PRIM2: variants seen among roughly 807,000 people sequenced by gnomAD.
PRIM2 encodes DNA primase large subunit.
PRIM2 carries 39 observed loss-of-function variants against 67.3 expected under a neutral mutation model. That is an observed-to-expected ratio of 0.58 (90% CI 0.45 to 0.76). PRIM2 has a LOEUF of 0.76. Ranked by LOEUF, PRIM2 falls within the 30% of genes least tolerant of loss-of-function variation. The pLI is 0.00. For missense variants in PRIM2, 398 were observed against 598.7 expected (o/e 0.66, Z 3.50); for synonymous variants, 143 against 198.7 (o/e 0.72, Z 2.36).
chr6:57,242,497 A>C, the PRIM2 span, among the ~76,000 whole-genome samples: 1 of 152,234 alleles, frequency 6.6e-6, no homozygotes, highest in Admixed American at 6.5e-5. Context: ...AAATGGAAAT[A>C]AAATAACTTA....
At chr6:57,273,402 C>A in the PRIM2 span, among the ~76,000 whole-genome samples, 3 of 152,224 alleles carry the variant, frequency 2.0e-5, no homozygotes, top group African/African-American at 4.8e-5. Context: ...GATAGCCTAT[C>A]TTCCAGTTGA....
chr6:57,536,164 A>G (rs1774998910), intron 9 of PRIM2, among the ~76,000 whole-genome samples: 1 of 152,182 alleles, frequency 6.6e-6, no homozygotes, highest in Non-Finnish European at 1.5e-5. Flanking sequence ...TGGTCACTAG[A>G]GGGAGCAGCA....
At chr6:57,643,666 G>T (rs1243319223) in intron 13 of PRIM2, among the ~76,000 whole-genome samples, 1 of 152,174 alleles carries the variant, frequency 6.6e-6, no homozygotes, top group Non-Finnish European at 1.5e-5. Context: ...TGAATTGGGT[G>T]AAAATTGAAT....
At chr6:57,294,419 T>TGCA in the PRIM2 span, among the ~76,000 whole-genome samples, 1 of 152,092 alleles carries the variant, frequency 6.6e-6, no homozygotes, top group African/African-American at 2.4e-5. Flanking sequence ...AGGTGGAGGT[T>TGCA]GCAGTGAGCC....
At chr6:57,312,887 A>G (rs1440715906), upstream of PRIM2, among the ~76,000 whole-genome samples, 6 of 152,184 alleles carry the variant, frequency 3.9e-5, no homozygotes, top group Admixed American at 1.3e-4. Context: ...GAGGTAGGGA[A>G]TACATTTTTC....
chr6:57,482,545 G>A (rs1330737424), intron 7 of PRIM2, among the ~76,000 whole-genome samples: 2 of 152,130 alleles, frequency 1.3e-5, no homozygotes, highest in East Asian at 3.9e-4. Flanking sequence ...AAATCTTAAG[G>A]TATTAAGGTG....
intron 13 of PRIM2, among the ~76,000 whole-genome samples, chr6:57,644,416 GA>G (rs1175578329): frequency 6.6e-6 from 1 of 152,098 alleles, no homozygotes; most frequent in Non-Finnish European, 1.5e-5. Context: ...CTCTACTGTG[GA>G]GTGTAATAGG....
intron 7 of PRIM2, among the ~76,000 whole-genome samples, chr6:57,479,890 AC>A (rs1187878465): frequency 3.3e-5 from 5 of 152,242 alleles, no homozygotes; most frequent in African/African-American, 1.2e-4. Context: ...AAAGCAACTA[AC>A]TATGGTATCA....
chr6:57,391,727 T>G (rs1453240770), intron 7 of PRIM2, among the ~76,000 whole-genome samples: 2 of 152,136 alleles, frequency 1.3e-5, no homozygotes, highest in African/African-American at 4.8e-5. Context: ...TCTATGTGCT[T>G]GTTTTTGTAC....
chr6:57,246,279 C>T, the PRIM2 span, among the ~76,000 whole-genome samples: 2 of 152,154 alleles, frequency 1.3e-5, no homozygotes, highest in Non-Finnish European at 2.9e-5. Flanking sequence ...TCCTGTATAA[C>T]TACTTACATT....
chr6:57,292,349 A>G, the PRIM2 span, among the ~76,000 whole-genome samples: 1 of 152,206 alleles, frequency 6.6e-6, no homozygotes, highest in East Asian at 1.9e-4. Context: ...ATAAAAGAGG[A>G]CACAAACAAA....
At chr6:57,260,111 G>T in the PRIM2 span, among the ~76,000 whole-genome samples, 1 of 152,112 alleles carries the variant, frequency 6.6e-6, no homozygotes, top group Non-Finnish European at 1.5e-5. Context: ...ACATGAGAGG[G>T]ACTCCAAAGC....
At chr6:57,392,207 T>C (rs535841285) in intron 7 of PRIM2, among the ~76,000 whole-genome samples, 1 of 152,300 alleles carries the variant, frequency 6.6e-6, no homozygotes, top group South Asian at 2.1e-4. Flanking sequence ...TGCTAGCGAT[T>C]TCGTTCATTG....
In PRIM2 at chr6:57,338,938, T is replaced by C. The variant is rs1480465939; in HGVS notation, c.459+12893T>C. On this transcript the variant is annotated intron_variant, in intron 5 of 13. Coordinates refer to ENST00000615550, the MANE Select transcript of PRIM2 (RefSeq NM_000947.5). ...TCGTCCCTGTTTGCAGATGACATGA[T>C]TGTATATCTAGAAAACAACATTGTC... is the stretch of plus-strand genomic sequence containing the variant. 3.9e-5 allele frequency among the ~76,000 whole-genome samples: 6 copies of C among 152,336 alleles called. No individual in the cohort carries two copies. The East Asian group carries it at 9.6e-4, about 24-fold the overall frequency.
intron 8 of PRIM2, among the ~76,000 whole-genome samples, chr6:57,520,670 A>T (rs1774593077): frequency 6.6e-6 from 1 of 152,216 alleles, no homozygotes; most frequent in Non-Finnish European, 1.5e-5. Flanking sequence ...CAATTTATAC[A>T]CAAAAAATCC....
rs1163373793 is a variant in PRIM2, at chr6:57,392,884, A to G, written c.693+10716A>G. On this transcript the variant is annotated intron_variant, in intron 7 of 13. Coordinates refer to ENST00000615550, the MANE Select transcript of PRIM2 (RefSeq NM_000947.5). The stretch of plus-strand genomic sequence containing the variant: ...GCATAGCTCCCACATATCAGTGAGA[A>G]CTTACGACGTTTGGTTTTCCATTCC... Among the ~76,000 whole-genome samples, 3 of 149,014 alleles carry G rather than the reference A, an allele frequency of 2.0e-5. No homozygotes were observed. The East Asian group carries it at 5.8e-4, about 29-fold the overall frequency.
intron 10 of PRIM2, among the ~76,000 whole-genome samples, chr6:57,547,671 A>G (rs1424519503): frequency 6.6e-6 from 1 of 152,126 alleles, no homozygotes; most frequent in African/African-American, 2.4e-5. Flanking sequence ...AGCTGGTTTT[A>G]TTGGATATTA....
Position 57,510,881 on chromosome 6 carries a change from TA to T in PRIM2, c.761+3429del, listed in dbSNP as rs1384307877. Among the ~76,000 whole-genome samples, 7 of 152,276 alleles carry T rather than the reference TA, an allele frequency of 4.6e-5. No homozygotes were observed. In the East Asian group the frequency reaches 1.2e-3, roughly 25 times the overall value. On this transcript the variant is annotated intron_variant, in intron 8 of 13. Coordinates refer to ENST00000615550, the MANE Select transcript of PRIM2 (RefSeq NM_000947.5). ...TAATATTATTTGGCTTGAGAGATTT[TA>T]ATAATAATTTTGTTAGAAAAAAATT...
chr6:57,583,748 C>A (rs1456860351), intron 10 of PRIM2, among the ~76,000 whole-genome samples: 2 of 152,240 alleles, frequency 1.3e-5, no homozygotes, highest in Non-Finnish European at 2.9e-5. Context: ...GAGGAATCGC[C>A]ACACTGACTT....
Sources: gnomAD v4.1 joint callset for allele counts (sites outside exome capture counted in the v4.1 genomes callset) on GRCh38, gnomAD v4.1.1 for gene constraint, MANE v1.5 for transcripts, NCBI Gene and HGNC (gene_info 2026-07-23, HGNC 2026-07-21) for gene names.